PHACTR1: variants seen among roughly 807,000 people sequenced by gnomAD.
The protein encoded by PHACTR1 is RPEL repeat containing 1.
Under a neutral mutation model 69.2 loss-of-function variants are expected in PHACTR1, and 16 were observed. The ratio of observed to expected loss-of-function variants is 0.23; its 90% confidence interval spans 0.16 to 0.35. The LOEUF (loss-of-function observed/expected upper bound fraction) is 0.35, where lower values mean the gene tolerates loss of function less well. Among genes scored for constraint, PHACTR1 ranks in the 10% least tolerant of loss-of-function variants. The pLI, the probability that PHACTR1 is intolerant of heterozygous loss-of-function variation, is 1.00. For missense variants in PHACTR1, 510 were observed against 734.7 expected, an observed-to-expected ratio of 0.69 and a Z score of 3.54; for synonymous variants, 312 against 284.5, an observed-to-expected ratio of 1.10 and a Z score of -0.97.
chr6:12,964,139 T>A (rs1193377095), intron 4 of PHACTR1, among the ~76,000 whole-genome samples: 1 of 152,234 alleles, frequency 6.6e-6, no homozygotes, highest in Non-Finnish European at 1.5e-5. Flanking sequence ...TTGTGAGTAT[T>A]TTTGTTATTG....
intron 4 of PHACTR1, among the ~76,000 whole-genome samples, chr6:12,870,647 C>G (rs995922945): frequency 6.6e-6 from 1 of 152,184 alleles, no homozygotes; most frequent in Non-Finnish European, 1.5e-5. Context: ...CAGGTACACA[C>G]AACCACGTGC....
intron 4 of PHACTR1, among the ~76,000 whole-genome samples, chr6:12,970,214 A>G (rs1048636806): frequency 6.6e-6 from 1 of 152,176 alleles, no homozygotes; most frequent in Non-Finnish European, 1.5e-5. Context: ...GCCAAAGACA[A>G]TTATGTCAGT....
chr6:12,935,282 C>T (rs972805862), intron 4 of PHACTR1, among the ~76,000 whole-genome samples: 2 of 152,078 alleles, frequency 1.3e-5, no homozygotes, highest in African/African-American at 4.8e-5. Context: ...CTCACTCTGT[C>T]ACCCAGGCTG....
At chr6:13,054,789 G>T (rs1433728331) in intron 5 of PHACTR1, among the ~76,000 whole-genome samples, 4 of 152,116 alleles carry the variant, frequency 2.6e-5, no homozygotes, top group Admixed American at 2.6e-4. Context: ...ATTTGGGAGG[G>T]ACACAACTAA....
chr6:12,960,099 T>C (rs953080983), intron 4 of PHACTR1, among the ~76,000 whole-genome samples: 1 of 152,260 alleles, frequency 6.6e-6, no homozygotes, highest in Non-Finnish European at 1.5e-5. Flanking sequence ...CCAATTCTGC[T>C]ACCTTTTCAG....
At chr6:12,995,270 A>G (rs953516686) in intron 4 of PHACTR1, among the ~76,000 whole-genome samples, 3 of 151,914 alleles carry the variant, frequency 2.0e-5, no homozygotes, top group African/African-American at 7.2e-5. Flanking sequence ...AACAAAATAT[A>G]TAACTTCCAA....
chr6:12,919,417 A>G (rs1280172288), intron 4 of PHACTR1, among the ~76,000 whole-genome samples: 3 of 152,224 alleles, frequency 2.0e-5, no homozygotes, highest in Non-Finnish European at 2.9e-5. Context: ...CTGGGAGTAC[A>G]GGCATGAGCC....
chr6:13,258,254 G>A (rs1775452591), intron 10 of PHACTR1, among the ~76,000 whole-genome samples: 1 of 151,872 alleles, frequency 6.6e-6, no homozygotes, highest in African/African-American at 2.4e-5. Flanking sequence ...GCTTCTAGGG[G>A]GGAGGCAGGA....
chr6:13,013,906 C>CGGCGG (rs1311290831), intron 4 of PHACTR1, among the ~76,000 whole-genome samples: 19 of 150,092 alleles, frequency 1.3e-4, no homozygotes, highest in African/African-American at 4.6e-4. Flanking sequence ...CCCACGCGCT[C>CGGCGG]AGCGAAGCCG....
At chr6:12,801,369 C>A (rs546206348) in intron 4 of PHACTR1, among the ~76,000 whole-genome samples, 52 of 152,248 alleles carry the variant, frequency 3.4e-4, no homozygotes, top group African/African-American at 1.2e-3. Context: ...CTTGCTTGAG[C>A]AAAATGTTGT....
chr6:13,211,224 G>A (rs141466979), intron 8 of PHACTR1, among the ~76,000 whole-genome samples: 50 of 152,202 alleles, frequency 3.3e-4, no homozygotes, highest in African/African-American at 1.2e-3. Context: ...CATCACCCGA[G>A]CAGTGTACAC....
intron 4 of PHACTR1, among the ~76,000 whole-genome samples, chr6:12,898,437 C>T (rs541647264): frequency 6.6e-6 from 1 of 152,282 alleles, no homozygotes; most frequent in East Asian, 1.9e-4. Context: ...CGCCCTCAGC[C>T]CACTTCTATA....
chr6:12,780,314 T>G (rs1416438669), intron 4 of PHACTR1, among the ~76,000 whole-genome samples: 1 of 151,940 alleles, frequency 6.6e-6, no homozygotes, highest in African/African-American at 2.4e-5. Context: ...TTCCATTGTG[T>G]GTGCGTGTGC....
At chr6:12,745,510 T>A (rs1355424253) in intron 3 of PHACTR1, among the ~76,000 whole-genome samples, 1 of 152,114 alleles carries the variant, frequency 6.6e-6, no homozygotes, top group Non-Finnish European at 1.5e-5. Flanking sequence ...ATCCACATAT[T>A]CACACATATA....
intron 4 of PHACTR1, among the ~76,000 whole-genome samples, chr6:13,033,141 C>T (rs1464916470): frequency 3.9e-5 from 6 of 152,146 alleles, no homozygotes; most frequent in Admixed American, 1.3e-4. Flanking sequence ...AGGAAGAATA[C>T]GCCAGCCAGA....
At chr6:12,772,376 A>G (rs2127629058) in intron 4 of PHACTR1, among the ~76,000 whole-genome samples, 1 of 152,372 alleles carries the variant, frequency 6.6e-6, no homozygotes, top group South Asian at 2.1e-4. Flanking sequence ...GTTTATACAT[A>G]TGTTACATAT....
At chr6:13,005,492 C>T (rs947596941) in intron 4 of PHACTR1, among the ~76,000 whole-genome samples, 1 of 152,104 alleles carries the variant, frequency 6.6e-6, no homozygotes, top group Non-Finnish European at 1.5e-5. Flanking sequence ...TGGCTACAAA[C>T]TGTTATATTA....
rs140742219 is a variant in PHACTR1 at position 13,232,354 on chromosome 6, G to A, written c.1391+2161G>A. 2.9e-3 allele frequency among the ~76,000 whole-genome samples: 440 copies of A among 152,294 alleles called. 3 individuals carry two copies. The highest frequency in any genetic ancestry group is 9.9e-3 in the African/African-American group (412 of 41,574). On this transcript the variant is annotated intron_variant, in intron 10 of 14. Coordinates refer to ENST00000332995, the MANE Select transcript of PHACTR1 (RefSeq NM_030948.6). ...ACTTGGTTTCCTCTTGGAGGATATT[G>A]TAATGGTACAGGGCTTTGTAAAATG...
intron 4 of PHACTR1, among the ~76,000 whole-genome samples, chr6:12,972,111 T>G (rs1794286363): frequency 6.6e-6 from 1 of 152,212 alleles, no homozygotes; most frequent in Non-Finnish European, 1.5e-5. Flanking sequence ...TTGCAGTAGG[T>G]TTGTGATTCT....
Sources: allele counts gnomAD v4.1 joint callset (sites outside exome capture counted in the v4.1 genomes callset), GRCh38; gene constraint gnomAD v4.1.1; transcripts MANE v1.5; gene names NCBI Gene and HGNC (gene_info 2026-07-23, HGNC 2026-07-21).